The following CNGB3 variants were observed in gnomAD, a reference collection of about 807,000 sequenced individuals.
CNGB3 encodes the protein cyclic nucleotide gated channel subunit beta 3.
CNGB3 carries 86 observed loss-of-function variants against 92.8 expected under a neutral mutation model. That is an observed-to-expected ratio of 0.93 (90% CI 0.78 to 1.11). The LOEUF (loss-of-function observed/expected upper bound fraction) is 1.11. CNGB3 is among the 50% of genes least tolerant of loss of function. CNGB3 has a pLI of 0.00. For synonymous variants in CNGB3, 333 were observed against 332.7 expected, an observed-to-expected ratio of 1.00 and a Z score of -0.01; for missense variants, 1,026 against 956.8, an observed-to-expected ratio of 1.07 and a Z score of -0.95.
chr8:86,723,039 T>C (rs958909027), intron 3 of CNGB3, among the ~76,000 whole-genome samples: 1 of 152,138 alleles, frequency 6.6e-6, no homozygotes, highest in African/African-American at 2.4e-5. Context: ...CCCTAACTGA[T>C]ACAGATGGTA....
intron 7 of CNGB3, among the ~76,000 whole-genome samples, chr8:86,649,011 A>G (rs919581367): frequency 9.2e-5 from 14 of 151,398 alleles, no homozygotes; most frequent in Non-Finnish European, 1.9e-4. Context: ...ACCAATACAC[A>G]TACAAAAATG....
intron 2 of CNGB3, 29 bp downstream of exon 2, chr8:86,739,626 T>G (rs765601026): frequency 1.9e-6 from 3 of 1,594,268 alleles, no homozygotes; most frequent in African/African-American, 1.3e-5. Flanking sequence ...TTTAGTTTTT[T>G]TTTTTTTTTT....
intron 3 of CNGB3, among the ~76,000 whole-genome samples, chr8:86,715,586 G>A (rs1334360353): frequency 1.3e-5 from 2 of 151,782 alleles, no homozygotes; most frequent in Non-Finnish European, 2.9e-5. Context: ...AATAGTCTAC[G>A]CAAATGAGAT....
chr8:86,717,770 C>T (rs112169125), intron 3 of CNGB3, among the ~76,000 whole-genome samples: 2 of 152,192 alleles, frequency 1.3e-5, no homozygotes, highest in African/African-American at 2.4e-5. Context: ...GACCACAAAA[C>T]AAGTCTCAGT....
intron 15 of CNGB3, chr8:86,594,488 G>T: frequency 3.4e-6 from 1 of 294,448 alleles, no homozygotes; most frequent in South Asian, 3.2e-5. Flanking sequence ...GAGGGGACCC[G>T]ACACGTAGCT....
At chr8:86,709,035 A>G (rs1824702481) in intron 3 of CNGB3, among the ~76,000 whole-genome samples, 2 of 152,284 alleles carry the variant, frequency 1.3e-5, no homozygotes, top group South Asian at 2.1e-4. Flanking sequence ...GCTATTGTTT[A>G]AATGTGGAAA....
chr8:86,661,627 C>T (rs2131610264), intron 6 of CNGB3: 1 of 822,612 alleles, frequency 1.2e-6, no homozygotes, highest in South Asian at 1.4e-5. Flanking sequence ...GTTCTTCTTT[C>T]TTCATCTTAC....
intron 14 of CNGB3, 95 bp downstream of exon 14, chr8:86,611,493 C>T (rs1822519158): frequency 1.1e-6 from 1 of 935,814 alleles, no homozygotes; most frequent in African/African-American, 1.6e-5. Context: ...GGAATTCACC[C>T]TGAACAAATT....
At position 86,647,800 on chromosome 8, in the gene CNGB3, C is replaced by A. The variant is rs763151392; in HGVS notation, c.990+1G>T. 3 of 1,425,426 alleles carry A rather than the reference C, an allele frequency of 2.1e-6. No individual in the cohort carries two copies. Among genetic ancestry groups the A allele is most frequent in the Non-Finnish European group, 3.0e-6 (3 of 1,009,580 alleles). 88.3% of individuals were successfully genotyped at this position (1,425,426 alleles called of 1,614,324 possible). On this transcript the variant is annotated splice_donor_variant, in intron 8 of 17. Coordinates refer to ENST00000320005, the MANE Select transcript of CNGB3 (RefSeq NM_019098.5). LOFTEE classifies it high-confidence loss of function. Reference sequence around the variant, plus strand: ...AAGACAATTAAATATAGTTATCTTACCTTTAACATCCTATTTGCTCTAAAC... The same window carrying A: ...AAGACAATTAAATATAGTTATCTTAACTTTAACATCCTATTTGCTCTAAAC...
chr8:86,702,797 A>T (rs1824578698), intron 3 of CNGB3, among the ~76,000 whole-genome samples: 1 of 151,768 alleles, frequency 6.6e-6, no homozygotes, highest in South Asian at 2.1e-4. Flanking sequence ...TTTTAAAAAA[A>T]ATCTCTGTGT....
At chr8:86,591,938 C>G (rs1399180487) in intron 15 of CNGB3, among the ~76,000 whole-genome samples, 1 of 152,256 alleles carries the variant, frequency 6.6e-6, no homozygotes, top group African/African-American at 2.4e-5. Flanking sequence ...CCTCCCCCAG[C>G]CTCGCTGCCA....
At chr8:86,697,686 C>T (rs971591628) in intron 3 of CNGB3, among the ~76,000 whole-genome samples, 6 of 152,166 alleles carry the variant, frequency 3.9e-5, no homozygotes, top group African/African-American at 1.4e-4. Context: ...TACATGTGCA[C>T]AACGTGCAGG....
chr8:86,674,658 T>G (rs1823928662), intron 3 of CNGB3, among the ~76,000 whole-genome samples: 1 of 152,250 alleles, frequency 6.6e-6, no homozygotes, highest in Non-Finnish European at 1.5e-5. Context: ...TGTTTGCTAT[T>G]TCTTGTTTAT....
intron 3 of CNGB3, among the ~76,000 whole-genome samples, chr8:86,705,283 G>T (rs975715594): frequency 1.3e-5 from 2 of 151,884 alleles, no homozygotes; most frequent in African/African-American, 4.8e-5. Context: ...GTTTTGTTTG[G>T]TCCTTTACTG....
chr8:86,715,843 G>A (rs952680017), intron 3 of CNGB3, among the ~76,000 whole-genome samples: 2 of 104,986 alleles, frequency 1.9e-5, no homozygotes, highest in African/African-American at 3.7e-5. Flanking sequence ...GGGGAGGGGG[G>A]AGGGATAGCA....
At chr8:86,598,180 T>C (rs1430299353) in intron 15 of CNGB3, among the ~76,000 whole-genome samples, 1 of 152,102 alleles carries the variant, frequency 6.6e-6, no homozygotes, top group Admixed American at 6.5e-5. Flanking sequence ...GGCAGTGATA[T>C]GATCAGATCT....
chr8:86,700,561 T>C (rs1417913330), intron 3 of CNGB3, among the ~76,000 whole-genome samples: 1 of 152,244 alleles, frequency 6.6e-6, no homozygotes, highest in Non-Finnish European at 1.5e-5. Flanking sequence ...ACATCTCCAA[T>C]ATCGTCAGGT....
At chr8:86,704,560 G>A (rs1228821242) in intron 3 of CNGB3, among the ~76,000 whole-genome samples, 2 of 152,158 alleles carry the variant, frequency 1.3e-5, no homozygotes, top group African/African-American at 2.4e-5. Context: ...TGCTCTGAAG[G>A]ACTTTCTGCC....
At chr8:86,606,335 G>C (rs1822411712) in intron 14 of CNGB3, among the ~76,000 whole-genome samples, 1 of 151,812 alleles carries the variant, frequency 6.6e-6, no homozygotes, top group South Asian at 2.1e-4. Context: ...ATTTATTGTA[G>C]AGACAGGGTT....
Sources: gnomAD v4.1 joint callset for allele counts (sites outside exome capture counted in the v4.1 genomes callset) on GRCh38, gnomAD v4.1.1 for gene constraint, MANE v1.5 for transcripts, NCBI Gene and HGNC (gene_info 2026-07-23, HGNC 2026-07-21) for gene names.